The following POLN variants were observed in gnomAD, a reference collection of about 807,000 sequenced individuals.
The protein encoded by POLN is DNA polymerase nu.
A neutral mutation model predicts 113.5 loss-of-function variants in POLN; 108 were observed. The observed-to-expected ratio is 0.95, with a 90% CI of 0.81 to 1.12. The LOEUF is 1.12. POLN is among the 50% of genes most tolerant of loss of function. The pLI, the probability that POLN is intolerant of heterozygous loss-of-function variation, is 0.00. For missense variants in POLN, 1,097 were observed against 1,077.1 expected (o/e 1.02, Z -0.26); for synonymous variants, 386 against 391.5 (o/e 0.99, Z 0.17).
intron 3 of POLN, among the ~76,000 whole-genome samples, chr4:2,219,641 G>A (rs1271734321): frequency 6.6e-6 from 1 of 152,088 alleles, no homozygotes; most frequent in African/African-American, 2.4e-5. Flanking sequence ...TTTCATTATT[G>A]CTTCGGTAAA....
intron 2 of POLN, chr4:2,240,986 T>C: frequency 7.0e-7 from 1 of 1,435,376 alleles, no homozygotes; most frequent in Non-Finnish European, 9.5e-7. Flanking sequence ...TGATATGGGT[T>C]TACGGTGTTG....
At chr4:2,186,236 C>T (rs1225700253) in intron 7 of POLN, among the ~76,000 whole-genome samples, 1 of 152,170 alleles carries the variant, frequency 6.6e-6, no homozygotes, top group Non-Finnish European at 1.5e-5. Flanking sequence ...GCAGGAGACC[C>T]GTCCCTGCCA....
At chr4:2,087,608 T>G (rs1013206451) in intron 20 of POLN, among the ~76,000 whole-genome samples, 15 of 152,254 alleles carry the variant, frequency 9.9e-5, no homozygotes, top group African/African-American at 3.6e-4. Context: ...AAGAGCATAT[T>G]TTCTTTTACT....
chr4:2,223,435 G>C (rs1477144759), intron 3 of POLN, among the ~76,000 whole-genome samples: 1 of 152,176 alleles, frequency 6.6e-6, no homozygotes. Flanking sequence ...AGGGATAATA[G>C]GTTGCGAGCT....
In POLN at chr4:2,072,209, G is replaced by A. The variant is rs767567423; in HGVS notation, c.2608C>T (p.Arg870Cys). The A allele has an allele frequency of 1.5e-5, 24 of 1,608,256 alleles. No individual in the cohort carries two copies. Among genetic ancestry groups the A allele is most frequent in the Admixed American group, 1.7e-5 (1 of 59,602 alleles). The change falls in exon 26 of 26, where the codon CGC becomes TGC. Residue 870 changes from arginine (R) to cysteine (C), a missense_variant. Arg to Cys is a radical substitution (Grantham distance 180). Coordinates refer to ENST00000511885, the MANE Select transcript of POLN (RefSeq NM_181808.4). ...EAWGPPPGPC[R>C]TESPSNSLAA... ...AGGCTGTTGCTGGGAGACTCAGTGC[G>A]ACATGGGCCTGGCGGAGGGCCCCAG...
intron 22 of POLN, chr4:2,081,296 A>C: frequency 9.4e-7 from 1 of 1,066,760 alleles, no homozygotes; most frequent in Non-Finnish European, 1.4e-6. Context: ...CATGGGGAGG[A>C]TGGAAGGGCC....
chr4:2,085,964 G>C (rs1249468109), intron 20 of POLN, among the ~76,000 whole-genome samples: 1 of 152,196 alleles, frequency 6.6e-6, no homozygotes, highest in African/African-American at 2.4e-5. Context: ...GTGCCTGCCA[G>C]GTGTTTCAGG....
At chr4:2,102,509 C>G (rs1730952780) in intron 19 of POLN, among the ~76,000 whole-genome samples, 3 of 152,184 alleles carry the variant, frequency 2.0e-5, no homozygotes, top group Admixed American at 2.0e-4. Flanking sequence ...TACCATCACT[C>G]AAACCATCCT....
At chr4:2,171,388 A>T (rs1391866645) in intron 11 of POLN, among the ~76,000 whole-genome samples, 4 of 168 alleles carry the variant, frequency 0.024, no homozygotes, top group Non-Finnish European at 0.11. Flanking sequence ...CCCCACCACT[A>T]AAAAAAAAAA....
At chr4:2,074,774 A>G (rs899367660) in intron 24 of POLN, among the ~76,000 whole-genome samples, 1 of 152,160 alleles carries the variant, frequency 6.6e-6, no homozygotes, top group Admixed American at 6.5e-5. Context: ...CCTGGCCTGG[A>G]GAACTGGGGG....
intron 16 of POLN, among the ~76,000 whole-genome samples, chr4:2,144,459 G>A (rs1399971139): frequency 1.3e-5 from 2 of 152,022 alleles, no homozygotes; most frequent in African/African-American, 4.8e-5. Flanking sequence ...ATATTCTTAA[G>A]AAGACTCTTT....
At chr4:2,166,859 A>G (rs1343049366) in intron 13 of POLN, among the ~76,000 whole-genome samples, 3 of 152,140 alleles carry the variant, frequency 2.0e-5, no homozygotes, top group African/African-American at 7.2e-5. Flanking sequence ...TCCAGCTTGA[A>G]GAAGGCCTAT....
At position 2,193,236 on chromosome 4, in the gene POLN, T is replaced by G. The variant is rs769152103; in HGVS notation, c.989A>C (p.Gln330Pro). 5.6e-6 allele frequency: 9 copies of G among 1,609,746 alleles called. No homozygotes were observed. In the South Asian group the frequency reaches 1.0e-4, roughly 18 times the overall value. Residue 330 changes from glutamine to proline, a missense_variant, in exon 7 of 26, where the codon CAG becomes CCG. Transcript: ENST00000511885. ...CCAACTGCCATCATTGCCAAAAAAC[T>G]GCAGCACTATTCTCACAAAATCCTT... ...NAKDFVRIVL[Q>P]FFGNDGSWKH...
rs542587251 is a variant in POLN, at chr4:2,114,763, C to A, written c.1982+13350G>T. ...TGGGATTTGGTGAGATTTTTGGATACGTAGATTGACATCTTTAATCAATTT... is the reference window on the plus strand; with the variant it reads ...TGGGATTTGGTGAGATTTTTGGATAAGTAGATTGACATCTTTAATCAATTT... On this transcript the variant is annotated intron_variant, in intron 19 of 25. Transcript: ENST00000511885. 2.2e-4 allele frequency among the ~76,000 whole-genome samples: 33 copies of A among 152,168 alleles called. No homozygotes were observed. In the Middle Eastern group the frequency reaches 0.01, roughly 47 times the overall value.
At position 2,200,380 on chromosome 4, in the gene POLN, G is replaced by A. The variant is rs558827914; in HGVS notation, c.715-1663C>T. ...AGAGCAGAGTGTGGAGGCTTGCATC[G>A]TGAACTTTTGCTCTAGAATGACTAC... On this transcript the variant is annotated intron_variant, in intron 5 of 25. Coordinates refer to ENST00000511885, the MANE Select transcript of POLN (RefSeq NM_181808.4). 1.1e-4 allele frequency among the ~76,000 whole-genome samples: 16 copies of A among 152,324 alleles called. No homozygotes were observed. The South Asian group carries it at 1.5e-3, about 14-fold the overall frequency.
intron 19 of POLN, among the ~76,000 whole-genome samples, chr4:2,104,266 T>C (rs974199997): frequency 1.3e-5 from 2 of 152,242 alleles, no homozygotes; most frequent in African/African-American, 2.4e-5. Context: ...ACTGTATGGA[T>C]AGACCATATC....
At chr4:2,103,542 A>C (rs1170572257) in intron 19 of POLN, among the ~76,000 whole-genome samples, 2 of 152,220 alleles carry the variant, frequency 1.3e-5, no homozygotes, top group African/African-American at 4.8e-5. Flanking sequence ...CTATTTAATA[A>C]AATAGTATAT....
chr4:2,206,633 G>A (rs1198021483), intron 5 of POLN, among the ~76,000 whole-genome samples: 2 of 152,092 alleles, frequency 1.3e-5, no homozygotes, highest in East Asian at 1.9e-4. Flanking sequence ...ACTGGCCAAC[G>A]AATATATGAA....
intron 24 of POLN, among the ~76,000 whole-genome samples, chr4:2,074,154 C>T (rs1221972566): frequency 6.6e-6 from 1 of 152,236 alleles, no homozygotes; most frequent in Non-Finnish European, 1.5e-5. Flanking sequence ...TCCCAAGCAA[C>T]TGCTGCTCAG....
Sources: allele counts gnomAD v4.1 joint callset (sites outside exome capture counted in the v4.1 genomes callset), GRCh38; gene constraint gnomAD v4.1.1; transcripts MANE v1.5; gene names NCBI Gene and HGNC (gene_info 2026-07-23, HGNC 2026-07-21).